Variants in CEACAM6 observed in about 807,000 individuals in gnomAD.
CEACAM6 encodes CEA cell adhesion molecule 6.
In CEACAM6, 21 loss-of-function variants were observed where a neutral mutation model predicts 32.4. That is an observed-to-expected ratio of 0.65 (90% CI 0.46 to 0.93). The LOEUF (loss-of-function observed/expected upper bound fraction) is 0.93. CEACAM6 is among the 40% of genes least tolerant of loss of function. CEACAM6 has a pLI of 0.00. For synonymous variants in CEACAM6, 184 were observed against 174.4 expected (o/e 1.06, Z -0.43); for missense variants, 406 against 432.2 (o/e 0.94, Z 0.54).
intron 4 of CEACAM6, among the ~76,000 whole-genome samples, chr19:41,765,452 G>C (rs1229494100): frequency 1.3e-5 from 2 of 152,216 alleles, no homozygotes; most frequent in Non-Finnish European, 2.9e-5. Context: ...AGCCTGGTAT[G>C]TTAGCTTTCA....
chr19:41,764,139 A>C (rs540859496), intron 4 of CEACAM6, among the ~76,000 whole-genome samples: 3 of 152,306 alleles, frequency 2.0e-5, no homozygotes, highest in Admixed American at 2.0e-4. Flanking sequence ...TATTGGCTAA[A>C]TCTTATTACT....
intron 1 of CEACAM6, among the ~76,000 whole-genome samples, chr19:41,756,353 C>T (rs1408750553): frequency 1.3e-5 from 2 of 151,704 alleles, no homozygotes; most frequent in Non-Finnish European, 2.9e-5. Context: ...GGGGAGGGAG[C>T]CATGCAGACC....
chr19:41,766,053 G>T lies in CEACAM6; in HGVS notation c.959-130G>T, dbSNP rs556685301. On this transcript the variant is annotated intron_variant, in intron 4 of 5. Coordinates refer to ENST00000199764, the MANE Select transcript of CEACAM6 (RefSeq NM_002483.7). ...AACGTGGTAAGAGAGAAAAAAAATT[G>T]CAACTTTCCCACAAAACTAGTGTAT... 1.6e-5 allele frequency: 8 copies of T among 509,480 alleles called. No individual in the cohort carries two copies. In the East Asian group the frequency reaches 2.7e-4, roughly 17 times the overall value. The allele number at this position is 509,480 out of a possible 1,614,324, so 31.6% of individuals were successfully genotyped here. A position where few individuals can be genotyped will look rare whatever the true frequency, so the allele number is the denominator to read the frequency against.
At chr19:41,770,674 C>A (rs1164985180) in intron 5 of CEACAM6, 128 bp from the exon 6 acceptor site, 3 of 152,116 alleles carry the variant, frequency 2.0e-5, no homozygotes, top group African/African-American at 7.2e-5. Context: ...ATATGTCTTA[C>A]TGGGATTATC....
intron 5 of CEACAM6, among the ~76,000 whole-genome samples, chr19:41,766,750 T>C (rs1256295059): frequency 1.3e-5 from 2 of 152,136 alleles, no homozygotes; most frequent in East Asian, 3.9e-4. Flanking sequence ...CTTATGCCTG[T>C]AATCCCAGCC....
intron 5 of CEACAM6, among the ~76,000 whole-genome samples, chr19:41,768,587 C>T (rs1196598946): frequency 6.6e-6 from 1 of 152,268 alleles, no homozygotes; most frequent in Non-Finnish European, 1.5e-5. Flanking sequence ...CCATTGTCAT[C>T]ATGGCCCGTT....
chr19:41,763,194 C>T (rs550138251), intron 4 of CEACAM6, among the ~76,000 whole-genome samples: 10 of 152,150 alleles, frequency 6.6e-5, no homozygotes, highest in Non-Finnish European at 1.5e-4. Context: ...ACCATCACCA[C>T]CACCCACCCA....
At chr19:41,765,791 A>G (rs1160042614) in intron 4 of CEACAM6, among the ~76,000 whole-genome samples, 1 of 152,210 alleles carries the variant, frequency 6.6e-6, no homozygotes, top group African/African-American at 2.4e-5. Context: ...GTAAATTCAG[A>G]ATGCACTAGC....
chr19:41,758,867 C>T (rs983178578), intron 2 of CEACAM6, among the ~76,000 whole-genome samples: 2 of 152,200 alleles, frequency 1.3e-5, no homozygotes, highest in Non-Finnish European at 2.9e-5. Flanking sequence ...GAGCAGCCGC[C>T]CCTGCCGGGC....
chr19:41,759,052 G>T (rs1555821515), intron 2 of CEACAM6, among the ~76,000 whole-genome samples: 1 of 152,218 alleles, frequency 6.6e-6, no homozygotes, highest in African/African-American at 2.4e-5. Flanking sequence ...AGGATGACAG[G>T]TCTGCTTTCC....
At chr19:41,756,467 C>CAG in intron 1 of CEACAM6, 133 bp from the exon 2 acceptor site, 3 of 1,319,614 alleles carry the variant, frequency 2.3e-6, no homozygotes, top group Admixed American at 2.3e-5. Context: ...CACACACACA[C>CAG]ACACACACAC....
In CEACAM6 at chr19:41,762,016, C is replaced by T. The variant is rs782604875; in HGVS notation, c.751C>T (p.Pro251Ser). The part of the protein sequence containing the change: ...TISPSKANYR[P>S]GENLNLSCHA... ...TTCCCCCTCAAAGGCCAATTACCGTCCAGGGGAAAATCTGAACCTCTCCTG... is the reference window on the plus strand; with the variant it reads ...TTCCCCCTCAAAGGCCAATTACCGTTCAGGGGAAAATCTGAACCTCTCCTG... The change falls in exon 4 of 6, where the codon CCA becomes TCA. Residue 251 changes from proline (P) to serine (S), a missense_variant. Pro to Ser is a moderately conservative substitution (Grantham distance 74). Coordinates refer to ENST00000199764, the MANE Select transcript of CEACAM6 (RefSeq NM_002483.7). 6.2e-7 allele frequency: 1 copy of T among 1,614,214 alleles called. No individual in the cohort carries two copies. Among genetic ancestry groups the T allele is most frequent in the Admixed American group, 1.7e-5 (1 of 60,030 alleles).
intron 4 of CEACAM6, 88 bp downstream of exon 4, chr19:41,762,311 C>A: frequency 1.3e-6 from 2 of 1,512,896 alleles, no homozygotes; most frequent in Non-Finnish European, 1.8e-6. Flanking sequence ...TCTTTCCCAA[C>A]CTGTGTCCAA....
At chr19:41,759,992 T>C (rs1208704369) in intron 2 of CEACAM6, among the ~76,000 whole-genome samples, 1 of 152,224 alleles carries the variant, frequency 6.6e-6, no homozygotes, top group African/African-American at 2.4e-5. Flanking sequence ...CGGGTAAGTC[T>C]ACTGCAAATA....
intron 5 of CEACAM6, among the ~76,000 whole-genome samples, chr19:41,769,662 G>A (rs1264840305): frequency 1.3e-5 from 2 of 150,708 alleles, no homozygotes; most frequent in African/African-American, 4.9e-5. Flanking sequence ...TCCAGAATTC[G>A]GAAATTATTC....
intron 5 of CEACAM6, among the ~76,000 whole-genome samples, 162 bp from the exon 6 acceptor site, chr19:41,770,640 A>T (rs1049275373): frequency 6.6e-6 from 1 of 152,232 alleles, no homozygotes; most frequent in Admixed American, 6.5e-5. Context: ...AAGTTCGATG[A>T]GACTAAACTT....
At chr19:41,761,906 C>A in intron 3 of CEACAM6, 63 bp from the exon 4 acceptor site, 1 of 1,588,650 alleles carries the variant, frequency 6.3e-7, no homozygotes, top group Admixed American at 1.7e-5. Context: ...GGCCCTTCCA[C>A]AGACCAGGAA....
At position 41,762,089 on chromosome 19, in the gene CEACAM6, G is replaced by GGAC. The variant is rs782287363; in HGVS notation, c.826_828dup (p.Thr276dup). 2 of 1,614,000 alleles carry GGAC rather than the reference G, an allele frequency of 1.2e-6. No homozygotes were observed. Among genetic ancestry groups the GGAC allele is most frequent in the African/African-American group, 2.7e-5 (2 of 74,896 alleles). ...GCACAGTACTCTTGGTTTATCAATGGGACGTTCCAGCAATCCACACAAGAG... is the reference window on the plus strand; with the variant it reads ...GCACAGTACTCTTGGTTTATCAATGGGACGACGTTCCAGCAATCCACACAAGAG... On this transcript the variant is annotated inframe_insertion, in exon 4 of 6. Coordinates refer to ENST00000199764, the MANE Select transcript of CEACAM6 (RefSeq NM_002483.7).
intron 4 of CEACAM6, 132 bp from the exon 5 acceptor site, chr19:41,766,051 T>C (rs543641826): frequency 5.7e-5 from 29 of 506,180 alleles, no homozygotes; most frequent in Non-Finnish European, 4.8e-5. Flanking sequence ...AGAAAAAAAA[T>C]TGCAACTTTC....
Sources: allele counts gnomAD v4.1 joint callset (sites outside exome capture counted in the v4.1 genomes callset), GRCh38; gene constraint gnomAD v4.1.1; transcripts MANE v1.5; gene names NCBI Gene and HGNC (gene_info 2026-07-23, HGNC 2026-07-21).